The following CNTNAP2 variants were observed in gnomAD, a reference collection of about 807,000 sequenced individuals.
The protein encoded by CNTNAP2 is contactin associated protein 2, also known as contactin-associated protein-like 2.
A neutral mutation model predicts 155.2 loss-of-function variants in CNTNAP2; 98 were observed. The observed-to-expected ratio is 0.63, with a 90% CI of 0.54 to 0.75. CNTNAP2 has a LOEUF of 0.75. Ranked by LOEUF, CNTNAP2 falls within the 30% of genes least tolerant of loss-of-function variation. CNTNAP2 has a pLI of 0.00. For synonymous variants in CNTNAP2, 651 were observed against 631.2 expected, an observed-to-expected ratio of 1.03 and a Z score of -0.47; for missense variants, 1,727 against 1,688.1, an observed-to-expected ratio of 1.02 and a Z score of -0.40.
At chr7:146,981,946 A>C (rs961606204) in intron 3 of CNTNAP2, among the ~76,000 whole-genome samples, 1 of 152,242 alleles carries the variant, frequency 6.6e-6, no homozygotes, top group African/African-American at 2.4e-5. Context: ...CCATTACAGC[A>C]TGAAAGCAGA....
chr7:146,492,635 G>A (rs1456306120), intron 1 of CNTNAP2, among the ~76,000 whole-genome samples: 1 of 152,210 alleles, frequency 6.6e-6, no homozygotes, highest in East Asian at 1.9e-4. Context: ...ACAGAGATAA[G>A]TGTGAACTAA....
intron 8 of CNTNAP2, among the ~76,000 whole-genome samples, chr7:147,134,627 C>A (rs1801442595): frequency 6.6e-6 from 1 of 151,480 alleles, no homozygotes; most frequent in Non-Finnish European, 1.5e-5. Context: ...ATTTTATATT[C>A]ATTCATTCAA....
At position 148,084,091 on chromosome 7, in the gene CNTNAP2, G is replaced by C. The variant is rs75388515; in HGVS notation, c.2384-34027G>C. Among the ~76,000 whole-genome samples the C allele has an allele frequency of 9.4e-3, 1,427 of 152,304 alleles. 29 individuals are homozygous for C. The highest frequency in any genetic ancestry group is 0.032 in the African/African-American group (1,348 of 41,550). On this transcript the variant is annotated intron_variant, in intron 15 of 23. Coordinates refer to ENST00000361727, the MANE Select transcript of CNTNAP2 (RefSeq NM_014141.6). The stretch of plus-strand genomic sequence containing the variant: ...TCTTTTGCTGCAACAACTCACACTT[G>C]AGAAAAATTTTCACAGGAGACTTTA...
intron 17 of CNTNAP2, among the ~76,000 whole-genome samples, chr7:148,170,602 A>G (rs1371099602): frequency 6.6e-6 from 1 of 152,216 alleles, no homozygotes; most frequent in Non-Finnish European, 1.5e-5. Context: ...CTCTATTCCA[A>G]TATGTTAGAA....
chr7:147,604,579 C>G (rs1383528653), intron 12 of CNTNAP2, among the ~76,000 whole-genome samples: 1 of 152,174 alleles, frequency 6.6e-6, no homozygotes, highest in Non-Finnish European at 1.5e-5. Context: ...TCTGCCCCAC[C>G]CACTTTGCTT....
intron 8 of CNTNAP2, among the ~76,000 whole-genome samples, chr7:147,184,305 T>C (rs781599034): frequency 2.0e-4 from 31 of 152,186 alleles, no homozygotes; most frequent in Non-Finnish European, 3.7e-4. Context: ...GGTTTTCCAA[T>C]GCCTGAGGTC....
intron 1 of CNTNAP2, among the ~76,000 whole-genome samples, chr7:146,620,307 A>T (rs1476421365): frequency 2.0e-5 from 3 of 152,196 alleles, no homozygotes; most frequent in Non-Finnish European, 4.4e-5. Context: ...ATGGAAGCTC[A>T]TGGCTAACGG....
At chr7:147,607,345 G>T (rs1418345960) in intron 12 of CNTNAP2, among the ~76,000 whole-genome samples, 1 of 152,032 alleles carries the variant, frequency 6.6e-6, no homozygotes, top group African/African-American at 2.4e-5. Context: ...ACACTGTGGG[G>T]TATTGTTTTG....
At chr7:146,481,852 A>G (rs1796964079) in intron 1 of CNTNAP2, among the ~76,000 whole-genome samples, 2 of 152,130 alleles carry the variant, frequency 1.3e-5, no homozygotes, top group Admixed American at 1.3e-4. Flanking sequence ...AAGTAAGCTA[A>G]TTTACTTGAA....
intron 11 of CNTNAP2, among the ~76,000 whole-genome samples, chr7:147,515,662 C>G (rs1423290577): frequency 6.6e-6 from 1 of 152,082 alleles, no homozygotes; most frequent in Admixed American, 6.6e-5. Context: ...TATTTGTGTG[C>G]TATATCACCT....
intron 13 of CNTNAP2, among the ~76,000 whole-genome samples, chr7:147,759,760 T>C (rs1286119848): frequency 6.6e-6 from 1 of 152,192 alleles, no homozygotes; most frequent in Non-Finnish European, 1.5e-5. Flanking sequence ...AAGGAAGCCA[T>C]TGTGGTTACG....
In CNTNAP2 at chr7:146,674,153, G is replaced by A. The variant is rs879150985; in HGVS notation, c.98-100118G>A. Among the ~76,000 whole-genome samples, 3 of 152,086 alleles carry A rather than the reference G, an allele frequency of 2.0e-5. 1 individual carries two copies. Among genetic ancestry groups the A allele is most frequent in the Admixed American group, 2.0e-4 (3 of 15,262 alleles). ...TCAGCTACAACTACTAAACTAACAT[G>A]ACCAAGATTCAAAGGAAACTTTCTA... On this transcript the variant is annotated intron_variant, in intron 1 of 23. Coordinates refer to ENST00000361727, the MANE Select transcript of CNTNAP2 (RefSeq NM_014141.6).
intron 13 of CNTNAP2, among the ~76,000 whole-genome samples, chr7:147,712,718 G>A (rs1433135652): frequency 6.6e-6 from 1 of 152,108 alleles, no homozygotes; most frequent in African/African-American, 2.4e-5. Context: ...CACAGGAAGG[G>A]GAACATCACA....
At chr7:147,628,900 C>T (rs1485413614) in intron 12 of CNTNAP2, among the ~76,000 whole-genome samples, 2 of 143,404 alleles carry the variant, frequency 1.4e-5, no homozygotes, top group Non-Finnish European at 3.1e-5. Context: ...CAAAGAGGAA[C>T]GTTATAAAAT....
At chr7:147,426,351 T>C (rs1797377282) in intron 10 of CNTNAP2, among the ~76,000 whole-genome samples, 1 of 152,146 alleles carries the variant, frequency 6.6e-6, no homozygotes, top group African/African-American at 2.4e-5. Flanking sequence ...TGTGTGTTTG[T>C]TTGTATCATG....
chr7:147,589,090 G>GA (rs1470209526), intron 12 of CNTNAP2, among the ~76,000 whole-genome samples: 1 of 152,082 alleles, frequency 6.6e-6, no homozygotes, highest in Non-Finnish European at 1.5e-5. Flanking sequence ...GAATTGAAAA[G>GA]AAAAAAACTC....
chr7:148,275,426 G>A (rs1339962736), intron 21 of CNTNAP2, among the ~76,000 whole-genome samples: 1 of 152,206 alleles, frequency 6.6e-6, no homozygotes, highest in African/African-American at 2.4e-5. Context: ...GCAATGGGCT[G>A]AAGTAGAGGC....
At chr7:147,006,816 C>G (rs1473831104) in intron 3 of CNTNAP2, among the ~76,000 whole-genome samples, 1 of 151,884 alleles carries the variant, frequency 6.6e-6, no homozygotes, top group Non-Finnish European at 1.5e-5. Context: ...GTATGGGGTC[C>G]TTGGTTCCTG....
chr7:148,374,599 C>T (rs1798948851), intron 21 of CNTNAP2, among the ~76,000 whole-genome samples: 1 of 151,838 alleles, frequency 6.6e-6, no homozygotes, highest in Non-Finnish European at 1.5e-5. Flanking sequence ...TCTCCAAAGC[C>T]AAAAAAACAT....
Sources: gnomAD v4.1 joint callset for allele counts (sites outside exome capture counted in the v4.1 genomes callset) on GRCh38, gnomAD v4.1.1 for gene constraint, MANE v1.5 for transcripts, NCBI Gene and HGNC (gene_info 2026-07-23, HGNC 2026-07-21) for gene names.